TMEM74B: variants seen among roughly 807,000 people sequenced by gnomAD.
TMEM74B encodes transmembrane protein 74B.
TMEM74B carries 7 observed loss-of-function variants against 6.5 expected under a neutral mutation model. The observed-to-expected ratio is 1.07, with a 90% CI of 0.61 to 2.01. The LOEUF is 2.01. Ranked by LOEUF, TMEM74B falls within the 30% of genes most tolerant of loss-of-function variation. The probability of loss-of-function intolerance (pLI) is 0.00; values close to 1 mark genes in which losing one functional copy is unlikely to be tolerated. For missense variants in TMEM74B, 342 were observed against 337.0 expected (o/e 1.01, Z -0.12); for synonymous variants, 151 against 151.6 (o/e 1.00, Z 0.03).
At position 1,181,850 on chromosome 20, in the gene TMEM74B, T is replaced by C. The variant is rs1157447243; in HGVS notation, c.32-263A>G. On this transcript the variant is annotated intron_variant, in intron 2 of 2. Coordinates refer to ENST00000429036, the MANE Select transcript of TMEM74B (RefSeq NM_001304748.2). This position sits in a 1 kb window ranked among gnomAD's most constrained non-coding sequence, Gnocchi z 4.9. ...TTCAGTTTCCCCACCTATAAAATAATACTACTACTACCCTCTAGTTCGCAA... is the reference window on the plus strand; with the variant it reads ...TTCAGTTTCCCCACCTATAAAATAACACTACTACTACCCTCTAGTTCGCAA... Among the ~76,000 whole-genome samples the C allele has an allele frequency of 2.6e-5, 4 of 151,480 alleles. No homozygotes were observed. The highest frequency in any genetic ancestry group is 4.4e-5 in the Non-Finnish European group (3 of 68,008).
At position 1,181,696 on chromosome 20, in the gene TMEM74B, T is replaced by G; in HGVS notation, c.32-109A>C. 1 of 1,245,012 alleles carries G rather than the reference T, an allele frequency of 8.0e-7. No homozygotes were observed. Among genetic ancestry groups the G allele is most frequent in the South Asian group, 2.6e-5 (1 of 38,388 alleles). The allele number at this position is 1,245,012 out of a possible 1,614,324, so 77.1% of individuals were successfully genotyped here. A position where few individuals can be genotyped will look rare whatever the true frequency, so the allele number is the denominator to read the frequency against. On this transcript the variant is annotated intron_variant, in intron 2 of 2. Coordinates refer to ENST00000429036, the MANE Select transcript of TMEM74B (RefSeq NM_001304748.2). This position sits in a 1 kb window ranked among gnomAD's most constrained non-coding sequence, Gnocchi z 4.9. The stretch of plus-strand genomic sequence containing the variant: ...AGGTGAGTCAGGCACAATTCCCACT[T>G]GGGGGTGTCTGCCAGACAGAGGGGA...
At chr20:1,188,694 T>TA (rs2087047235), upstream of TMEM74B, among the ~76,000 whole-genome samples, 1 of 151,384 alleles carries the variant, frequency 6.6e-6, no homozygotes, top group South Asian at 2.1e-4. Context: ...ATGGTGGGGG[T>TA]AGGAGCTAAC....
In TMEM74B at chr20:1,181,904, C is replaced by T. The variant is rs546054148; in HGVS notation, c.32-317G>A. ...TGGAGTAGGATTGAGATAACCTATA[C>T]GAAGTACTCAGAACACTAAGTGCTC... On this transcript the variant is annotated intron_variant, in intron 2 of 2. Transcript: ENST00000429036. This position sits in a 1 kb window ranked among gnomAD's most constrained non-coding sequence, Gnocchi z 4.9. Among the ~76,000 whole-genome samples the T allele has an allele frequency of 5.5e-4, 83 of 152,218 alleles. No homozygotes were observed. Among genetic ancestry groups the T allele is most frequent in the African/African-American group, 1.9e-3 (79 of 41,534 alleles).
chr20:1,180,879 G>C lies in TMEM74B; in HGVS notation c.740C>G (p.Ser247Ter). ...ALVENEVVQVSETSHTLQRS is the reference protein window; with the variant it reads ...ALVENEVVQV ...CCTCTGGAGGGTGTGGCTAGTCTCT[G>C]AGACCTGGACAACTTCATTCTCCAC... Residue 247 changes from serine (S) to a stop codon, truncating the protein, a stop_gained, in exon 3 of 3, where the codon TCA becomes TGA. Transcript: ENST00000429036. LOFTEE classifies it high-confidence loss of function. The surrounding 1 kb of genome is among the most constrained non-coding windows in gnomAD (Gnocchi z 6.1). 6.2e-7 allele frequency: 1 copy of C among 1,605,554 alleles called. No individual in the cohort carries two copies.
At chr20:1,188,263 A>G (rs1487166879), upstream of TMEM74B, among the ~76,000 whole-genome samples, 1 of 151,814 alleles carries the variant, frequency 6.6e-6, no homozygotes, top group Admixed American at 6.6e-5. Context: ...CAACAAGCAC[A>G]CGTAGCACTG....
chr20:1,181,871 C>T lies in TMEM74B; in HGVS notation c.32-284G>A, dbSNP rs566712441. On this transcript the variant is annotated intron_variant, in intron 2 of 2. Transcript: ENST00000429036. This position sits in a 1 kb window ranked among gnomAD's most constrained non-coding sequence, Gnocchi z 4.9. The stretch of plus-strand genomic sequence containing the variant: ...ATAATACTACTACTACCCTCTAGTT[C>T]GCAAAGCTGGAGTAGGATTGAGATA... Among the ~76,000 whole-genome samples, 47 of 152,294 alleles carry T rather than the reference C, an allele frequency of 3.1e-4. No homozygotes were observed. Among genetic ancestry groups the T allele is most frequent in the Non-Finnish European group, 5.3e-4 (36 of 68,034 alleles).
Position 1,180,901 on chromosome 20 carries a change from C to T in TMEM74B, c.718G>A (p.Glu240Lys), listed in dbSNP as rs761761889. Reference sequence around the variant, plus strand: ...TCTGAGACCTGGACAACTTCATTCTCCACCAGGGCCTGGCCCCCATCCCCA... The same window carrying T: ...TCTGAGACCTGGACAACTTCATTCTTCACCAGGGCCTGGCCCCCATCCCCA... ...LNGDGGQALV[E>K]NEVVQVSETS... is the part of the protein sequence containing the mutation. The change falls in exon 3 of 3, where the codon GAG (glutamate) becomes AAG (lysine). Residue 240 changes from glutamate to lysine, a missense_variant. Physicochemically the swap from Glu to Lys is moderately conservative, Grantham distance 56. Transcript: ENST00000429036. This position sits in a 1 kb window ranked among gnomAD's most constrained non-coding sequence, Gnocchi z 6.1. The T allele has an allele frequency of 2.5e-6, 4 of 1,612,000 alleles. No homozygotes were observed. The South Asian group carries it at 4.4e-5, about 18-fold the overall frequency.
At chr20:1,188,216 T>C (rs951026327), upstream of TMEM74B, among the ~76,000 whole-genome samples, 1 of 142,556 alleles carries the variant, frequency 7.0e-6, no homozygotes, top group African/African-American at 2.6e-5. Flanking sequence ...TTCCTTACTG[T>C]CAGGCGAGAG....
Position 1,181,085 on chromosome 20 carries a change from G to C in TMEM74B, c.534C>G (p.Ile178Met). ...RLGSHLDRCI[I>M]AGLGLLTVGG... ...CCACCGTGAGCAGCCCGAGGCCTGC[G>C]ATGATGCACCTGTCCAGGTGGGAGC... The change falls in exon 3 of 3, where the codon ATC becomes ATG. Residue 178 changes from isoleucine (I) to methionine (M), a missense_variant. Transcript: ENST00000429036. The surrounding 1 kb of genome is among the most constrained non-coding windows in gnomAD (Gnocchi z 4.9). 6.2e-7 allele frequency: 1 copy of C among 1,613,942 alleles called. No homozygotes were observed. Among genetic ancestry groups the C allele is most frequent in the Non-Finnish European group, 8.5e-7 (1 of 1,179,988 alleles).
Position 1,181,060 on chromosome 20 carries a change from C to T in TMEM74B, c.559G>A (p.Gly187Ser), listed in dbSNP as rs545474901. The T allele has an allele frequency of 6.2e-7, 1 of 1,613,616 alleles. No individual in the cohort carries two copies. The highest frequency in any genetic ancestry group is 1.3e-5 in the African/African-American group (1 of 75,026). Residue 187 changes from glycine to serine, a missense_variant, in exon 3 of 3, where the codon GGC becomes AGC. Transcript: ENST00000429036. The surrounding 1 kb of genome is among the most constrained non-coding windows in gnomAD (Gnocchi z 4.9). ...IIAGLGLLTV[G>S]GMLLSVLLMV... ...AGCAGCACCGACAAGAGCATGCCGC[C>T]CACCGTGAGCAGCCCGAGGCCTGCG...
rs564686305 is a variant in TMEM74B, at chr20:1,181,469, G to A, written c.150C>T (p.Gly50=). 24 of 1,513,472 alleles carry A rather than the reference G, an allele frequency of 1.6e-5. No individual in the cohort carries two copies. Among genetic ancestry groups the A allele is most frequent in the African/African-American group, 7.0e-5 (5 of 71,626 alleles). 93.8% of individuals were successfully genotyped at this position (1,513,472 alleles called of 1,614,324 possible). A position where few individuals can be genotyped will look rare whatever the true frequency, so the allele number is the denominator to read the frequency against. Residue 50 remains glycine, a synonymous_variant, in exon 3 of 3, where the codon GGC becomes GGT. Transcript: ENST00000429036. This position sits in a 1 kb window ranked among gnomAD's most constrained non-coding sequence, Gnocchi z 4.9. ...CACCCTCCCTGGTTGGGGCCACTGG[G>A]CCCAGGGGAGCTGATCTCCTTGGGG... ...PQAPRRSAPL[G]PVAPTREGVE...
upstream of TMEM74B, among the ~76,000 whole-genome samples, chr20:1,187,034 C>A (rs751058081): frequency 2.0e-5 from 3 of 152,200 alleles, no homozygotes; most frequent in Non-Finnish European, 4.4e-5. Context: ...CTCAGTCATG[C>A]GCTGTCCTAC....
chr20:1,183,785 C>T lies in TMEM74B; in HGVS notation c.17G>A (p.Gly6Glu), dbSNP rs1294751337. Residue 6 changes from glycine (G) to glutamate (E), a missense_variant, in exon 2 of 3, where the codon GGG becomes GAG. Coordinates refer to ENST00000429036, the MANE Select transcript of TMEM74B (RefSeq NM_001304748.2). The stretch of plus-strand genomic sequence containing the variant: ...CATGTACAAACCTGCAAACTCATAC[C>T]CCTGTGCTGGTGGCATCACTCCACC... The part of the protein sequence containing the change: MPPAQ[G>E]YEFAAAKGPR... 3.7e-6 allele frequency: 6 copies of T among 1,613,896 alleles called. No homozygotes were observed. The highest frequency in any genetic ancestry group is 3.3e-5 in the Admixed American group (2 of 60,006).
chr20:1,181,136 T>G lies in TMEM74B; in HGVS notation c.483A>C (p.Arg161=). 1 of 1,613,890 alleles carries G rather than the reference T, an allele frequency of 6.2e-7. No homozygotes were observed. The highest frequency in any genetic ancestry group is 8.5e-7 in the Non-Finnish European group (1 of 1,179,968). ...PDTVTAREME[R]LEMYYARLGS... Reference sequence around the variant, plus strand: ...CTAGGCGGGCGTAGTACATCTCCAGTCGTTCCATCTCCCGCGCTGTCACTG... The same window carrying G: ...CTAGGCGGGCGTAGTACATCTCCAGGCGTTCCATCTCCCGCGCTGTCACTG... Residue 161 remains arginine (R), a synonymous_variant, in exon 3 of 3, where the codon CGA becomes CGC. Coordinates refer to ENST00000429036, the MANE Select transcript of TMEM74B (RefSeq NM_001304748.2). The surrounding 1 kb of genome is among the most constrained non-coding windows in gnomAD (Gnocchi z 4.9).
At chr20:1,182,647 G>A (rs1421858761) in intron 2 of TMEM74B, among the ~76,000 whole-genome samples, 1 of 152,150 alleles carries the variant, frequency 6.6e-6, no homozygotes, top group Non-Finnish European at 1.5e-5. Context: ...CACAGGAGGG[G>A]AACCGGGAGG....
chr20:1,182,340 G>C (rs572724732), intron 2 of TMEM74B, among the ~76,000 whole-genome samples: 12 of 152,192 alleles, frequency 7.9e-5, no homozygotes, highest in Non-Finnish European at 1.6e-4. Context: ...AAGGGGAACA[G>C]ACTGCCTCAG....
At chr20:1,183,205 G>C (rs1343205522) in intron 2 of TMEM74B, among the ~76,000 whole-genome samples, 7 of 152,186 alleles carry the variant, frequency 4.6e-5, no homozygotes, top group Admixed American at 1.3e-4. Flanking sequence ...GCTCCGGTGT[G>C]TCTACGCACA....
chr20:1,185,540 C>T (rs932552141), upstream of TMEM74B: 1 of 151,668 alleles, frequency 6.6e-6, no homozygotes, highest in African/African-American at 2.4e-5. Flanking sequence ...GGCGAGGGCG[C>T]CCGGAGAGTT....
At chr20:1,187,529 A>G (rs1031203985), upstream of TMEM74B, among the ~76,000 whole-genome samples, 2 of 152,240 alleles carry the variant, frequency 1.3e-5, no homozygotes, top group Non-Finnish European at 2.9e-5. Flanking sequence ...GTTATAGTAA[A>G]TGCTACCAAA....
Sources: allele counts gnomAD v4.1 joint callset (sites outside exome capture counted in the v4.1 genomes callset), GRCh38; gene constraint gnomAD v4.1.1; non-coding constraint Gnocchi (gnomAD v3.1); transcripts MANE v1.5; gene names NCBI Gene and HGNC (gene_info 2026-07-23, HGNC 2026-07-21).